Variants in PVALEF observed in about 807,000 individuals in gnomAD.
PVALEF encodes the protein parvalbumin like EF-hand containing, also known as parvalbumin-like EF-hand-containing protein.
Under a neutral mutation model 1.2 loss-of-function variants are expected in PVALEF, and 2 were observed. The observed-to-expected ratio is 1.68, with a 90% confidence interval of 0.69 to 5.28. The LOEUF (loss-of-function observed/expected upper bound fraction) is 5.28, where lower values mean the gene tolerates loss of function less well. PVALEF is among the 30% of genes most tolerant of loss of function. The pLI, the probability that PVALEF is intolerant of heterozygous loss-of-function variation, is 0.06. For synonymous variants in PVALEF, 16 were observed against 6.5 expected (o/e 2.47, Z -2.24); for missense variants, 35 against 17.7 (o/e 1.97, Z -1.75).
chr17:81,170,204 TGTAG>T (rs1453947697), intron 2 of PVALEF, among the ~76,000 whole-genome samples: 2 of 151,728 alleles, frequency 1.3e-5, no homozygotes, highest in African/African-American at 2.4e-5. Flanking sequence ...TTTGCATATG[TGTAG>T]GTGTGTTGGT....
At chr17:81,180,232 T>C (rs766409844) in intron 3 of PVALEF, among the ~76,000 whole-genome samples, 4 of 152,168 alleles carry the variant, frequency 2.6e-5, no homozygotes, top group African/African-American at 4.8e-5. Flanking sequence ...GGGACATTGG[T>C]TCCTGGCTTG....
intron 5 of PVALEF, 136 bp downstream of exon 5, chr17:81,181,830 G>A (rs2061555271): frequency 5.0e-6 from 2 of 398,044 alleles, no homozygotes; most frequent in Non-Finnish European, 8.8e-6. Context: ...GAACCAGCTA[G>A]AAGCCCAGGA....
chr17:81,167,123 T>C (rs1471866955), intron 2 of PVALEF, among the ~76,000 whole-genome samples: 2 of 152,228 alleles, frequency 1.3e-5, no homozygotes, highest in Non-Finnish European at 1.5e-5. Flanking sequence ...CAAGACACTT[T>C]CTCTACAAAA....
At chr17:81,171,380 T>C (rs562203537) in intron 2 of PVALEF, among the ~76,000 whole-genome samples, 2 of 152,346 alleles carry the variant, frequency 1.3e-5, no homozygotes, top group East Asian at 3.9e-4. Context: ...CCAGGCCTTG[T>C]GGCCCAGGCG....
Position 81,181,269 on chromosome 17 carries a change from G to A in PVALEF, c.43G>A (p.Ala15Thr). The A allele has an allele frequency of 1.4e-6, 1 of 702,232 alleles. No individual in the cohort carries two copies. Among genetic ancestry groups the A allele is most frequent in the Middle Eastern group, 2.3e-4 (1 of 4,366 alleles). 43.5% of individuals were successfully genotyped at this position (702,232 alleles called of 1,614,324 possible). ...CTCCCAGATGAAGAAGATGGCCTTG[G>A]CCATGGGCACGTCCCTATCAGACAA... Reference protein sequence around the residue: ...FSSQMKKMALAMGTSLSDKDI... With the variant: ...FSSQMKKMALTMGTSLSDKDI... The change falls in exon 4 of 7, where the codon GCC becomes ACC. Residue 15 changes from alanine to threonine, a missense_variant. Physicochemically the swap from Ala to Thr is moderately conservative, Grantham distance 58. Transcript: ENST00000637878.
Position 81,181,315 on chromosome 17 carries a change from C to G in PVALEF, c.89C>G (p.Thr30Arg). 5.8e-6 allele frequency: 4 copies of G among 691,468 alleles called. No homozygotes were observed. Among genetic ancestry groups the G allele is most frequent in the Non-Finnish European group, 1.1e-5 (4 of 379,056 alleles). The allele number at this position is 691,468 out of a possible 1,614,324, so 42.8% of individuals were successfully genotyped here. Residue 30 changes from threonine to arginine, a missense_variant, in exon 4 of 7, where the codon ACA becomes AGA. By Grantham distance (71) the Thr-to-Arg change is moderately conservative. Coordinates refer to ENST00000637878, the MANE Select transcript of PVALEF (RefSeq NM_001354639.2). The part of the protein sequence containing the change: ...LSDKDIELLP[T>R]DMRHHGSFNY... ...GACAAGGACATTGAGCTGCTGCCCA[C>G]AGACATGAGACACCACGGTACAGCA... is the stretch of plus-strand genomic sequence containing the variant.
At chr17:81,173,384 G>T (rs1296974110) in intron 2 of PVALEF, among the ~76,000 whole-genome samples, 3 of 152,138 alleles carry the variant, frequency 2.0e-5, no homozygotes, top group Non-Finnish European at 4.4e-5. Context: ...ACGCTGCCAG[G>T]CCCAGTGGGC....
intron 3 of PVALEF, 38 bp downstream of exon 3, chr17:81,179,190 C>T (rs373952909): frequency 2.3e-5 from 7 of 304,996 alleles, no homozygotes; most frequent in Admixed American, 4.0e-5. Context: ...GGTCTCTGGC[C>T]GCTGAGGTTA....
intron 6 of PVALEF, among the ~76,000 whole-genome samples, chr17:81,182,544 CG>C (rs958024107): frequency 6.6e-6 from 1 of 152,144 alleles, no homozygotes; most frequent in Non-Finnish European, 1.5e-5. Context: ...TGGCTTGTGG[CG>C]GGGGGGTCAC....
intron 1 of PVALEF, chr17:81,166,090 G>A (rs1598242498): frequency 6.4e-6 from 5 of 777,066 alleles, no homozygotes; most frequent in South Asian, 5.6e-5. Flanking sequence ...GGCCGCCGCA[G>A]GTGCGGAGCG....
chr17:81,181,781 C>T (rs576561672), intron 5 of PVALEF, 87 bp downstream of exon 5: 11 of 398,426 alleles, frequency 2.8e-5, no homozygotes, highest in East Asian at 1.4e-4. Context: ...CTTCCCCCAC[C>T]GGGTCCCCGC....
At chr17:81,179,565 G>A (rs765235066) in intron 3 of PVALEF, among the ~76,000 whole-genome samples, 15 of 152,108 alleles carry the variant, frequency 9.9e-5, no homozygotes, top group Admixed American at 5.2e-4. Flanking sequence ...GCAGGGCAGC[G>A]AGTCCAAGGC....
At chr17:81,167,780 C>G (rs143154484) in intron 2 of PVALEF, among the ~76,000 whole-genome samples, 9 of 152,230 alleles carry the variant, frequency 5.9e-5, no homozygotes, top group Admixed American at 5.2e-4. Context: ...AGCCAAGGTT[C>G]TAAGGGGCGC....
intron 1 of PVALEF, chr17:81,166,117 C>A (rs1449522008): frequency 4.3e-5 from 19 of 440,964 alleles, no homozygotes; most frequent in Non-Finnish European, 5.6e-5. Context: ...CCCCCGCGCC[C>A]CGCGCCCCCC....
chr17:81,166,084 G>A (rs1056728875), intron 1 of PVALEF: 5 of 884,368 alleles, frequency 5.7e-6, no homozygotes, highest in African/African-American at 5.5e-5. Flanking sequence ...CCCAGCGGCC[G>A]CCGCAGGTGC....
At chr17:81,167,116 G>A (rs114029629) in intron 2 of PVALEF, among the ~76,000 whole-genome samples, 4,110 of 152,310 alleles carry the variant, frequency 0.027, 205 homozygotes, top group African/African-American at 0.094. Context: ...AACATAGCAA[G>A]ACACTTTCTC....
intron 2 of PVALEF, among the ~76,000 whole-genome samples, chr17:81,176,926 C>CTTT (rs34506557): frequency 2.0e-4 from 26 of 130,868 alleles, no homozygotes; most frequent in Non-Finnish European, 2.4e-4. Flanking sequence ...GTATTAGTCA[C>CTTT]TTTTTTTTTT....
intron 2 of PVALEF, among the ~76,000 whole-genome samples, chr17:81,169,178 G>C (rs1026685949): frequency 6.6e-6 from 1 of 152,214 alleles, no homozygotes; most frequent in Non-Finnish European, 1.5e-5. Flanking sequence ...TTCCTGGGGG[G>C]AGGAAACTTC....
intron 3 of PVALEF, among the ~76,000 whole-genome samples, chr17:81,179,964 A>G (rs749751141): frequency 1.3e-5 from 2 of 152,188 alleles, no homozygotes; most frequent in Non-Finnish European, 2.9e-5. Context: ...AGCAGGGCCC[A>G]AGGACAGCTT....
Sources: gnomAD v4.1 joint callset for allele counts (sites outside exome capture counted in the v4.1 genomes callset) on GRCh38, gnomAD v4.1.1 for gene constraint, MANE v1.5 for transcripts, NCBI Gene and HGNC (gene_info 2026-07-23, HGNC 2026-07-21) for gene names.